TMTC2: variants seen among roughly 807,000 people sequenced by gnomAD.
TMTC2 encodes transmembrane O-mannosyltransferase targeting cadherins 2.
Under a neutral mutation model 82.4 loss-of-function variants are expected in TMTC2, and 43 were observed. The observed-to-expected ratio is 0.52, with a 90% CI of 0.41 to 0.67. TMTC2 has a LOEUF of 0.67. Among genes scored for constraint, TMTC2 ranks in the 30% least tolerant of loss-of-function variants. The probability of loss-of-function intolerance (pLI) is 0.00; values close to 1 mark genes in which losing one functional copy is unlikely to be tolerated. For synonymous variants in TMTC2, 408 were observed against 381.9 expected, an observed-to-expected ratio of 1.07 and a Z score of -0.80; for missense variants, 919 against 1,012.4, an observed-to-expected ratio of 0.91 and a Z score of 1.25.
At chr12:82,836,418 T>A (rs1372026622) in intron 1 of TMTC2, among the ~76,000 whole-genome samples, 1 of 151,664 alleles carries the variant, frequency 6.6e-6, no homozygotes, top group African/African-American at 2.4e-5. Flanking sequence ...GGCTGGAGAG[T>A]CAGGGTCAAA....
chr12:83,098,846 G>A (rs530664272), intron 11 of TMTC2, among the ~76,000 whole-genome samples: 2 of 152,110 alleles, frequency 1.3e-5, no homozygotes, highest in Non-Finnish European at 2.9e-5. Context: ...TTCTCCTCCT[G>A]CCCATATGTT....
At chr12:82,717,607 C>G (rs574181121) in intron 1 of TMTC2, among the ~76,000 whole-genome samples, 3 of 152,212 alleles carry the variant, frequency 2.0e-5, no homozygotes, top group African/African-American at 7.2e-5. Flanking sequence ...TAAAAACCAG[C>G]TCTTTAAAAT....
At chr12:83,092,006 A>G (rs1391909582) in intron 11 of TMTC2, among the ~76,000 whole-genome samples, 2 of 152,234 alleles carry the variant, frequency 1.3e-5, no homozygotes, top group African/African-American at 4.8e-5. Flanking sequence ...GCATATGTGC[A>G]CAAAGAGGAA....
chr12:83,032,880 G>A (rs10862573), intron 9 of TMTC2, among the ~76,000 whole-genome samples: 138,641 of 152,246 alleles, frequency 0.91, 63,144 homozygotes, highest in South Asian at 0.96. Context: ...TTTATTTTGT[G>A]TGGTATTTGG....
intron 1 of TMTC2, among the ~76,000 whole-genome samples, chr12:82,808,728 G>A (rs1196377134): frequency 2.6e-5 from 4 of 152,008 alleles, no homozygotes; most frequent in Non-Finnish European, 1.5e-5. Context: ...CTGCAGTTCA[G>A]AATTACAGTT....
intron 3 of TMTC2, among the ~76,000 whole-genome samples, chr12:82,923,442 A>G (rs1033963950): frequency 6.6e-6 from 1 of 152,122 alleles, no homozygotes; most frequent in Non-Finnish European, 1.5e-5. Flanking sequence ...TATATTATAC[A>G]TTTAACTTGT....
chr12:82,930,469 A>T lies in TMTC2; in HGVS notation c.1522A>T (p.Lys508Ter). 6.2e-7 allele frequency: 1 copy of T among 1,605,300 alleles called. No homozygotes were observed. Residue 508 changes from lysine (K) to a stop codon, truncating the protein, a stop_gained, in exon 4 of 12, where the codon AAA becomes TAA. Transcript: ENST00000321196. LOFTEE classifies it high-confidence loss of function. ...TGGAAATGTTCTGAAGAGTCAGAGC[A>T]AAATTTCTGAAGCTGAAAGCGCCTA... ...NLGNVLKSQS[K>*]ISEAESAYRN...
At chr12:82,954,080 T>A (rs760420698) in intron 4 of TMTC2, among the ~76,000 whole-genome samples, 1 of 151,784 alleles carries the variant, frequency 6.6e-6, no homozygotes. Context: ...GGTAATATAG[T>A]CCTAATTTTC....
At chr12:83,081,684 G>A (rs765322619) in intron 11 of TMTC2, among the ~76,000 whole-genome samples, 3 of 152,044 alleles carry the variant, frequency 2.0e-5, no homozygotes, top group Admixed American at 6.6e-5. Flanking sequence ...TATAGATAAA[G>A]CAACATACAT....
At chr12:83,050,659 T>A (rs1309844482) in intron 9 of TMTC2, among the ~76,000 whole-genome samples, 1 of 152,128 alleles carries the variant, frequency 6.6e-6, no homozygotes, top group Non-Finnish European at 1.5e-5. Flanking sequence ...ATTCATCATA[T>A]ATCTTGCTGA....
intron 1 of TMTC2, among the ~76,000 whole-genome samples, chr12:82,728,996 A>G (rs1186147153): frequency 6.6e-6 from 1 of 152,204 alleles, no homozygotes; most frequent in Non-Finnish European, 1.5e-5. Context: ...CCCATGCCTG[A>G]GCCTCCGCCC....
At chr12:82,735,349 ATT>A (rs66550396) in intron 1 of TMTC2, among the ~76,000 whole-genome samples, 1 of 143,858 alleles carries the variant, frequency 7.0e-6, no homozygotes. Context: ...ATTAATTTTG[ATT>A]TTTTTTTTTT....
intron 3 of TMTC2, among the ~76,000 whole-genome samples, chr12:82,929,043 T>C (rs1875875178): frequency 6.6e-6 from 1 of 152,092 alleles, no homozygotes; most frequent in Non-Finnish European, 1.5e-5. Flanking sequence ...GGGTTTACCA[T>C]GTTTCAGGCA....
chr12:83,091,585 GC>G (rs1175207213), intron 11 of TMTC2, among the ~76,000 whole-genome samples: 2 of 152,122 alleles, frequency 1.3e-5, no homozygotes, highest in African/African-American at 4.8e-5. Flanking sequence ...AATTAAAGTT[GC>G]TATCTTACTG....
intron 1 of TMTC2, among the ~76,000 whole-genome samples, chr12:82,713,378 G>T (rs908391008): frequency 2.0e-5 from 3 of 152,056 alleles, no homozygotes; most frequent in African/African-American, 4.8e-5. Context: ...AAGAGTTTAT[G>T]AATTTGTCAT....
intron 8 of TMTC2, among the ~76,000 whole-genome samples, chr12:83,025,475 A>G (rs527470295): frequency 6.6e-6 from 1 of 152,064 alleles, no homozygotes; most frequent in Admixed American, 6.6e-5. Flanking sequence ...CTCTCAACCT[A>G]AAACACTTCT....
chr12:82,965,112 A>T lies in TMTC2; in HGVS notation c.1684+3A>T. On this transcript the variant is annotated splice_donor_region_variant and intron_variant, in intron 5 of 11. Transcript: ENST00000321196. ...TGGGAGCAGGCCTACCCTGGCTTGT[A>T]AGTAATACTCAAGTGTTTATTTTTT... 6.2e-7 allele frequency: 1 copy of T among 1,601,084 alleles called. No individual in the cohort carries two copies. The highest frequency in any genetic ancestry group is 8.5e-7 in the Non-Finnish European group (1 of 1,170,874).
At chr12:82,929,956 G>T (rs752175777) in intron 3 of TMTC2, among the ~76,000 whole-genome samples, 1 of 152,084 alleles carries the variant, frequency 6.6e-6, no homozygotes, top group Non-Finnish European at 1.5e-5. Flanking sequence ...TGCCTGGCAA[G>T]CTTCTTTATA....
At chr12:82,782,851 A>G (rs995127285) in intron 1 of TMTC2, among the ~76,000 whole-genome samples, 1 of 152,116 alleles carries the variant, frequency 6.6e-6, no homozygotes, top group South Asian at 2.1e-4. Context: ...CCTAATTTTG[A>G]TAATGTGACA....
Sources: gnomAD v4.1 joint callset for allele counts (sites outside exome capture counted in the v4.1 genomes callset) on GRCh38, gnomAD v4.1.1 for gene constraint, MANE v1.5 for transcripts, NCBI Gene and HGNC (gene_info 2026-07-23, HGNC 2026-07-21) for gene names.